Variants in ATE1 observed in about 807,000 individuals in gnomAD.
The protein encoded by ATE1 is arginyltransferase 1, also known as arginyl-tRNA--protein transferase 1.
A neutral mutation model predicts 70.5 loss-of-function variants in ATE1; 36 were observed. The ratio of observed to expected loss-of-function variants is 0.51; its 90% confidence interval spans 0.39 to 0.67. The LOEUF (loss-of-function observed/expected upper bound fraction) is 0.67. ATE1 is among the 30% of genes least tolerant of loss of function. The pLI is 0.00. For synonymous variants in ATE1, 232 were observed against 219.3 expected (o/e 1.06, Z -0.51); for missense variants, 593 against 629.5 (o/e 0.94, Z 0.62).
chr10:121,796,523 A>C (rs1334459469), intron 10 of ATE1, among the ~76,000 whole-genome samples: 1 of 152,182 alleles, frequency 6.6e-6, no homozygotes, highest in Non-Finnish European at 1.5e-5. Context: ...CTACCTATGC[A>C]CGTCTATATT....
At chr10:121,743,967 G>A (rs1944243079) in intron 11 of ATE1, 109 bp from the exon 12 acceptor site, 2 of 1,235,402 alleles carry the variant, frequency 1.6e-6, no homozygotes, top group Admixed American at 3.3e-5. Flanking sequence ...CTGTCGCCCA[G>A]GCTGGAGTGC....
intron 11 of ATE1, among the ~76,000 whole-genome samples, chr10:121,764,175 C>T (rs973906720): frequency 6.7e-6 from 1 of 148,460 alleles, no homozygotes; most frequent in African/African-American, 2.5e-5. Context: ...GAGCTTTCTG[C>T]TCAATTCTTC....
chr10:121,923,609 C>A (rs188345895), intron 2 of ATE1, among the ~76,000 whole-genome samples: 10 of 152,184 alleles, frequency 6.6e-5, no homozygotes, highest in African/African-American at 2.2e-4. Flanking sequence ...CCCAATCCCA[C>A]GTCTTTGGCA....
At chr10:121,761,684 C>T (rs537894172) in intron 11 of ATE1, among the ~76,000 whole-genome samples, 4 of 152,234 alleles carry the variant, frequency 2.6e-5, no homozygotes, top group African/African-American at 4.8e-5. Context: ...ATCCCCTTTC[C>T]GACCTCCCTA....
At chr10:121,897,988 G>GT (rs982528238) in intron 7 of ATE1, among the ~76,000 whole-genome samples, 1 of 152,036 alleles carries the variant, frequency 6.6e-6, no homozygotes, top group Non-Finnish European at 1.5e-5. Context: ...AACTCCTGTT[G>GT]TATTAACCCT....
At chr10:121,908,909 A>G (rs1392054537) in intron 5 of ATE1, among the ~76,000 whole-genome samples, 1 of 152,246 alleles carries the variant, frequency 6.6e-6, no homozygotes, top group East Asian at 1.9e-4. Flanking sequence ...AACCTGTCAG[A>G]TACAGAAAGT....
At chr10:121,870,123 C>A in intron 7 of ATE1, 85 bp from the exon 8 acceptor site, 3 of 1,314,034 alleles carry the variant, frequency 2.3e-6, no homozygotes, top group South Asian at 1.3e-5. Context: ...AATTATTATA[C>A]AATTTTCCAG....
At chr10:121,856,221 A>G (rs1180689533) in intron 8 of ATE1, among the ~76,000 whole-genome samples, 1 of 152,050 alleles carries the variant, frequency 6.6e-6, no homozygotes, top group Non-Finnish European at 1.5e-5. Context: ...ACATGAGTGG[A>G]TTTTTAAAAA....
intron 11 of ATE1, among the ~76,000 whole-genome samples, chr10:121,783,864 A>G (rs540782077): frequency 6.6e-6 from 1 of 152,292 alleles, no homozygotes; most frequent in South Asian, 2.1e-4. Flanking sequence ...CTATAAAAGG[A>G]ACTGCTTGTT....
At chr10:121,924,699 C>CAA (rs374852378) in intron 1 of ATE1, among the ~76,000 whole-genome samples, 69 of 86,396 alleles carry the variant, frequency 8.0e-4, no homozygotes, top group Admixed American at 1.2e-3. Context: ...GACTCCATCT[C>CAA]AAAAAAAAAA....
At chr10:121,903,701 G>A (rs1379646558) in intron 5 of ATE1, among the ~76,000 whole-genome samples, 2 of 151,728 alleles carry the variant, frequency 1.3e-5, no homozygotes, top group Non-Finnish European at 2.9e-5. Flanking sequence ...AACAAAAAAG[G>A]AATCCTTGCT....
Position 121,921,317 on chromosome 10 carries a change from T to G in ATE1, c.233+1032A>C, listed in dbSNP as rs11200262. On this transcript the variant is annotated intron_variant, in intron 3 of 11. Coordinates refer to ENST00000224652, the MANE Select transcript of ATE1 (RefSeq NM_001001976.3). ...AGCTCCCACTTATAAGTGAGTGAGGTGGGAAATTAAAGAAAAATAAAATTA... is the reference window on the plus strand; with the variant it reads ...AGCTCCCACTTATAAGTGAGTGAGGGGGGAAATTAAAGAAAAATAAAATTA... Among the ~76,000 whole-genome samples the G allele has an allele frequency of 2.0e-5, 3 of 151,370 alleles. No homozygotes were observed. The Admixed American group carries it at 2.0e-4, about 10-fold the overall frequency.
chr10:121,764,227 TA>T (rs1423622488), intron 11 of ATE1, among the ~76,000 whole-genome samples: 1 of 150,934 alleles, frequency 6.6e-6, no homozygotes, highest in Non-Finnish European at 1.5e-5. Flanking sequence ...GTCAACTAAT[TA>T]AAAAAAATGT....
chr10:121,918,401 A>C (rs147683608), intron 3 of ATE1, among the ~76,000 whole-genome samples: 17 of 152,252 alleles, frequency 1.1e-4, no homozygotes, highest in African/African-American at 4.1e-4. Flanking sequence ...ATTTGATGCC[A>C]CGTAAAATGC....
intron 11 of ATE1, among the ~76,000 whole-genome samples, chr10:121,767,132 A>G (rs1945309586): frequency 6.6e-6 from 1 of 152,220 alleles, no homozygotes; most frequent in African/African-American, 2.4e-5. Flanking sequence ...ATTAAAGACC[A>G]AATCAATGCT....
At chr10:121,806,262 G>A (rs1947091786) in intron 10 of ATE1, among the ~76,000 whole-genome samples, 1 of 152,110 alleles carries the variant, frequency 6.6e-6, no homozygotes, top group Non-Finnish European at 1.5e-5. Context: ...GACCAATCTG[G>A]CCAACATGGT....
chr10:121,901,817 C>T (rs965692663), intron 6 of ATE1, among the ~76,000 whole-genome samples: 2 of 151,998 alleles, frequency 1.3e-5, no homozygotes, highest in Non-Finnish European at 2.9e-5. Flanking sequence ...GATCTAGAAA[C>T]GAAAATAAAT....
In ATE1 at chr10:121,743,922, T is replaced by G; in HGVS notation, c.1379-64A>C. The stretch of plus-strand genomic sequence containing the variant: ...TATCAAAACTTTTTGTTTCCTTTTT[T>G]TTTTTTTTTTTTTTTTTGAGACAAG... On this transcript the variant is annotated intron_variant, in intron 11 of 11. Coordinates refer to ENST00000224652, the MANE Select transcript of ATE1 (RefSeq NM_001001976.3). 18 of 1,372,656 alleles carry G rather than the reference T, an allele frequency of 1.3e-5. No individual in the cohort carries two copies. In the Admixed American group the frequency reaches 1.8e-4, roughly 14 times the overall value. 85.0% of individuals were successfully genotyped at this position (1,372,656 alleles called of 1,614,324 possible).
In ATE1 at chr10:121,847,301, A is replaced by C. The variant is rs185106046; in HGVS notation, c.976-6038T>G. Among the ~76,000 whole-genome samples, 369 of 152,164 alleles carry C rather than the reference A, an allele frequency of 2.4e-3. 9 individuals carry two copies. The highest frequency in any genetic ancestry group is 0.023 in the Admixed American group (355 of 15,286). On this transcript the variant is annotated intron_variant, in intron 8 of 11. Transcript: ENST00000224652. ...GTCGCTACTAAAAATATAAAAAATT[A>C]GCTGGGCATGGTGGTGGGTACCTGT...
Sources: allele counts gnomAD v4.1 joint callset (sites outside exome capture counted in the v4.1 genomes callset), GRCh38; gene constraint gnomAD v4.1.1; transcripts MANE v1.5; gene names NCBI Gene and HGNC (gene_info 2026-07-23, HGNC 2026-07-21).